Variants in TRAPPC9 observed in about 807,000 individuals in gnomAD.
TRAPPC9 encodes the protein trafficking protein particle complex subunit 9.
In TRAPPC9, 83 loss-of-function variants were observed where a neutral mutation model predicts 124.0. That is an observed-to-expected ratio of 0.67 (90% CI 0.56 to 0.80). The LOEUF is 0.80. TRAPPC9 is among the 30% of genes least tolerant of loss of function. The pLI, the probability that TRAPPC9 is intolerant of heterozygous loss-of-function variation, is 0.00. For missense variants in TRAPPC9, 1,302 were observed against 1,508.3 expected (o/e 0.86, Z 2.27); for synonymous variants, 638 against 617.5 (o/e 1.03, Z -0.49).
chr8:139,861,583 AAG>A (rs1828160080), intron 21 of TRAPPC9, among the ~76,000 whole-genome samples: 1 of 152,218 alleles, frequency 6.6e-6, no homozygotes, highest in South Asian at 2.1e-4. Context: ...ATCAAAGAAT[AAG>A]AGAGCTGAAC....
At chr8:139,863,517 C>A (rs1563872735) in intron 21 of TRAPPC9, among the ~76,000 whole-genome samples, 1 of 152,242 alleles carries the variant, frequency 6.6e-6, no homozygotes, top group African/African-American at 2.4e-5. Context: ...ACCTTGAGCA[C>A]TGTAACAGGT....
chr8:139,938,691 T>C (rs1833701896), intron 19 of TRAPPC9, among the ~76,000 whole-genome samples: 1 of 150,834 alleles, frequency 6.6e-6, no homozygotes, highest in South Asian at 2.1e-4. Context: ...CAGGCCGGAC[T>C]GTGGACTGCA....
chr8:140,272,592 G>T (rs1157833117), intron 15 of TRAPPC9, among the ~76,000 whole-genome samples: 2 of 151,994 alleles, frequency 1.3e-5, no homozygotes, highest in Non-Finnish European at 2.9e-5. Flanking sequence ...TAATTTACAG[G>T]GAGAAGAGGT....
chr8:140,256,256 T>G (rs1289269101), intron 15 of TRAPPC9, among the ~76,000 whole-genome samples: 3 of 152,186 alleles, frequency 2.0e-5, no homozygotes, highest in African/African-American at 4.8e-5. Flanking sequence ...CTTTAGACGG[T>G]AAGTCACTCA....
At chr8:139,837,866 T>A (rs1246288694) in intron 21 of TRAPPC9, among the ~76,000 whole-genome samples, 3 of 151,746 alleles carry the variant, frequency 2.0e-5, no homozygotes, top group Non-Finnish European at 4.4e-5. Flanking sequence ...TCCACAGGGC[T>A]GGCATGGCAG....
chr8:139,896,535 T>C (rs991205789), intron 20 of TRAPPC9, among the ~76,000 whole-genome samples: 1 of 152,124 alleles, frequency 6.6e-6, no homozygotes, highest in Admixed American at 6.5e-5. Context: ...CTGAGGCTCA[T>C]GGAAAGAAAA....
intron 17 of TRAPPC9, among the ~76,000 whole-genome samples, chr8:140,217,873 T>C (rs1456848888): frequency 6.6e-6 from 1 of 152,054 alleles, no homozygotes; most frequent in Non-Finnish European, 1.5e-5. Context: ...AAAAATTAGC[T>C]GGGCATGGTG....
chr8:140,072,549 A>AGAG (rs144132936), intron 17 of TRAPPC9, among the ~76,000 whole-genome samples: 2 of 115,660 alleles, frequency 1.7e-5, no homozygotes, highest in South Asian at 2.8e-4. Flanking sequence ...AGGAGGAGGA[A>AGAG]GAGGAGGAGG....
intron 16 of TRAPPC9, among the ~76,000 whole-genome samples, chr8:140,228,801 A>G (rs1030737789): frequency 6.6e-6 from 1 of 152,230 alleles, no homozygotes; most frequent in African/African-American, 2.4e-5. Flanking sequence ...GAATTCTATC[A>G]CAACAAATAT....
At chr8:140,198,142 T>C (rs1451081977) in intron 17 of TRAPPC9, among the ~76,000 whole-genome samples, 1 of 152,206 alleles carries the variant, frequency 6.6e-6, no homozygotes, top group Non-Finnish European at 1.5e-5. Context: ...ACTGACTCCA[T>C]CTTGCTTCTA....
chr8:140,177,256 A>G (rs1272887409), intron 17 of TRAPPC9, among the ~76,000 whole-genome samples: 1 of 152,146 alleles, frequency 6.6e-6, no homozygotes, highest in Non-Finnish European at 1.5e-5. Context: ...TCTTCTAGAA[A>G]CTTTACTGCT....
intron 17 of TRAPPC9, among the ~76,000 whole-genome samples, chr8:140,175,724 G>A (rs113961677): frequency 0.029 from 4,415 of 152,314 alleles, 81 homozygotes; most frequent in Non-Finnish European, 0.044. Context: ...CTCTCTGTGT[G>A]CTGTGCTCCA....
intron 7 of TRAPPC9, among the ~76,000 whole-genome samples, chr8:140,394,084 T>G (rs2069016727): frequency 6.6e-6 from 1 of 152,226 alleles, no homozygotes; most frequent in Admixed American, 6.5e-5. Flanking sequence ...GTCCTCACAT[T>G]TTAAGTGAAA....
At chr8:140,159,911 T>C (rs1331126395) in intron 17 of TRAPPC9, among the ~76,000 whole-genome samples, 1 of 152,144 alleles carries the variant, frequency 6.6e-6, no homozygotes, top group Non-Finnish European at 1.5e-5. Context: ...CTGCCCTATT[T>C]AGGCTAATAT....
chr8:139,737,479 ACGG>A (rs1818276855), intron 21 of TRAPPC9, among the ~76,000 whole-genome samples: 1 of 30,858 alleles, frequency 3.2e-5, no homozygotes, highest in Non-Finnish European at 7.2e-5. Context: ...CCCCCCCCCC[ACGG>A]AAAACCCTGA....
At chr8:139,850,290 T>C (rs147138636) in intron 21 of TRAPPC9, among the ~76,000 whole-genome samples, 182 of 152,362 alleles carry the variant, frequency 1.2e-3, no homozygotes, top group African/African-American at 4.2e-3. Context: ...AATTAATGCT[T>C]ACCCTGCAGA....
chr8:140,125,743 T>C lies in TRAPPC9; in HGVS notation c.2556+95716A>G, dbSNP rs570565704. Reference sequence around the variant, plus strand: ...CTGAGTAGCTGGGATTACAGGTGCGTGCCACCACACCCAGCTAATTTTTTT... The same window carrying C: ...CTGAGTAGCTGGGATTACAGGTGCGCGCCACCACACCCAGCTAATTTTTTT... On this transcript the variant is annotated intron_variant, in intron 17 of 22. Coordinates refer to ENST00000438773, the MANE Select transcript of TRAPPC9 (RefSeq NM_001160372.4). 2.8e-4 allele frequency among the ~76,000 whole-genome samples: 43 copies of C among 151,968 alleles called. 2 individuals are homozygous for C. In the South Asian group the frequency reaches 8.1e-3, roughly 29 times the overall value.
intron 18 of TRAPPC9, among the ~76,000 whole-genome samples, chr8:140,018,424 C>T (rs1044232008): frequency 1.7e-4 from 26 of 149,192 alleles, no homozygotes; most frequent in Non-Finnish European, 2.4e-4. Context: ...CCCAGGTTCA[C>T]GCCATTCTCC....
chr8:139,959,937 CAG>C (rs976805342), intron 19 of TRAPPC9, among the ~76,000 whole-genome samples: 5 of 152,184 alleles, frequency 3.3e-5, no homozygotes, highest in African/African-American at 9.7e-5. Flanking sequence ...ACCCAAGACA[CAG>C]AGAGCAAGGG....
Sources: allele counts gnomAD v4.1 joint callset (sites outside exome capture counted in the v4.1 genomes callset), GRCh38; gene constraint gnomAD v4.1.1; transcripts MANE v1.5; gene names NCBI Gene and HGNC (gene_info 2026-07-23, HGNC 2026-07-21).